Variants in ZNF732 observed in about 807,000 individuals in gnomAD.
The protein encoded by ZNF732 is zinc finger protein LOC654254.
Under a neutral mutation model 11.5 loss-of-function variants are expected in ZNF732, and 12 were observed. The ratio of observed to expected loss-of-function variants is 1.05; its 90% CI spans 0.67 to 1.70. The LOEUF is 1.70. ZNF732 is among the 40% of genes most tolerant of loss of function. The pLI is 0.00. For missense variants in ZNF732, 702 were observed against 676.9 expected (o/e 1.04, Z -0.41); for synonymous variants, 231 against 236.5 (o/e 0.98, Z 0.21).
chr4:301,066 A>G (rs147536939), intron 1 of ZNF732, among the ~76,000 whole-genome samples: 2,214 of 152,364 alleles, frequency 0.015, 65 homozygotes, highest in African/African-American at 0.051. Context: ...GGATATGAAT[A>G]GACACTTCTC....
intron 3 of ZNF732, among the ~76,000 whole-genome samples, chr4:277,613 G>T (rs546364164): frequency 6.6e-6 from 1 of 151,048 alleles, no homozygotes; most frequent in Non-Finnish European, 1.5e-5. Context: ...AAAAAAAAAT[G>T]TTAGTGAGAA....
intron 1 of ZNF732, among the ~76,000 whole-genome samples, chr4:299,231 G>C (rs972716056): frequency 9.2e-5 from 14 of 151,388 alleles, no homozygotes; most frequent in African/African-American, 3.4e-4. Flanking sequence ...GACCTAAAAG[G>C]AAAAACCTGG....
chr4:295,455 G>A lies in ZNF732; in HGVS notation c.209C>T (p.Thr70Ile), dbSNP rs112253195. The A allele has an allele frequency of 4.0e-5, 64 of 1,608,782 alleles. No homozygotes were observed. The African/African-American group carries it at 6.1e-4, about 15-fold the overall frequency. The change falls in exon 3 of 4, where the codon ACA (threonine) becomes ATA (isoleucine). Residue 70 changes from threonine (T) to isoleucine (I), a missense_variant. By Grantham distance (89) the Thr-to-Ile change is moderately conservative. Around this residue, in one of 3 missense-constraint regions of ZNF732, gnomAD observed 596 missense variants for 557.9 expected, o/e 1.07. Transcript: ENST00000419098. ...TCACCTACCTGGGTGTTTGGCTACT[G>A]TCTCATGTATCTTCACTTTGTAGGG... ...KEPYKVKIHETVAKHPAVCSH... is the reference protein window; with the variant it reads ...KEPYKVKIHEIVAKHPAVCSH...
intron 3 of ZNF732, among the ~76,000 whole-genome samples, chr4:276,569 C>G (rs1283464043): frequency 6.6e-6 from 1 of 151,356 alleles, no homozygotes; most frequent in African/African-American, 2.4e-5. Flanking sequence ...GCTTCTGCAT[C>G]AACAATAAAA....
In ZNF732 at chr4:299,457, ATGTG is replaced by A. The variant is rs1487495405; in HGVS notation, c.4-3306_4-3303del. On this transcript the variant is annotated intron_variant, in intron 1 of 3. Transcript: ENST00000419098. The stretch of plus-strand genomic sequence containing the variant: ...TGTGTATATATATATATATACACAT[ATGTG>A]TATATATATATACACATATATACAC... 2.0e-3 allele frequency among the ~76,000 whole-genome samples: 83 copies of A among 40,760 alleles called. 5 individuals are homozygous for A. Among genetic ancestry groups the A allele is most frequent in the African/African-American group, 5.2e-3 (77 of 14,768 alleles). The allele number at this position is 40,760 out of a possible 152,430, so 26.7% of individuals were successfully genotyped here.
intron 1 of ZNF732, among the ~76,000 whole-genome samples, chr4:299,312 G>A (rs552175036): frequency 1.6e-4 from 23 of 146,150 alleles, no homozygotes; most frequent in African/African-American, 5.1e-4. Flanking sequence ...AAGGTGCCCT[G>A]AATATACGCT....
At chr4:304,216 G>C (rs1249429877) in intron 1 of ZNF732, among the ~76,000 whole-genome samples, 5 of 152,086 alleles carry the variant, frequency 3.3e-5, no homozygotes, top group African/African-American at 1.2e-4. Context: ...GAGCGTCCTC[G>C]GGAGTGGGTT....
chr4:271,316 G>A lies in ZNF732; in HGVS notation c.1541C>T (p.Ser514Phe). ...TTTCTTATGTTTACTCAGGTATGTG[G>A]ACCATCCAAAGGCTTTGCCACACTC... is the stretch of plus-strand genomic sequence containing the variant. ...CEECGKAFGW[S>F]TYLSKHKKIH... The change falls in exon 4 of 4, where the codon TCC (serine) becomes TTC (phenylalanine). Residue 514 changes from serine (S) to phenylalanine (F), a missense_variant. Coordinates refer to ENST00000419098, the MANE Select transcript of ZNF732 (RefSeq NM_001137608.3). 6.3e-7 allele frequency: 1 copy of A among 1,599,810 alleles called. No homozygotes were observed.
intron 1 of ZNF732, among the ~76,000 whole-genome samples, chr4:301,431 T>C (rs1292829183): frequency 1.3e-5 from 2 of 152,186 alleles, no homozygotes; most frequent in African/African-American, 4.8e-5. Flanking sequence ...ATGTTTATTG[T>C]GGCACTATTC....
At chr4:304,912 G>A (rs868978848) in intron 1 of ZNF732, among the ~76,000 whole-genome samples, 1 of 152,186 alleles carries the variant, frequency 6.6e-6, no homozygotes, top group Non-Finnish European at 1.5e-5. Context: ...CCATTAATTA[G>A]TCCCCATTTG....
chr4:294,499 G>A (rs1354043212), intron 3 of ZNF732, among the ~76,000 whole-genome samples: 3 of 152,148 alleles, frequency 2.0e-5, no homozygotes, highest in East Asian at 1.9e-4. Flanking sequence ...TAGTTATTAA[G>A]AAATAAGGTA....
Position 305,421 on chromosome 4 carries a change from G to T in ZNF732, c.-111C>A. 2.0e-6 allele frequency: 3 copies of T among 1,504,386 alleles called. No homozygotes were observed. Among genetic ancestry groups the T allele is most frequent in the Non-Finnish European group, 2.7e-6 (3 of 1,100,606 alleles). 93.2% of individuals were successfully genotyped at this position (1,504,386 alleles called of 1,614,324 possible). ...ACCGAATCACCGACGCCTCCCTGAG[G>T]GGTGAAAGCACGGCCGTGGAGACCC... On this transcript the variant is annotated 5_prime_UTR_variant, in exon 1 of 4. Transcript: ENST00000419098.
chr4:275,996 C>T (rs1553838619), intron 3 of ZNF732, among the ~76,000 whole-genome samples: 3 of 151,428 alleles, frequency 2.0e-5, no homozygotes. Flanking sequence ...AATGACTAAG[C>T]TGAATATTTA....
At chr4:272,654 T>TC (rs1719414995) in intron 3 of ZNF732, 24 bp from the exon 4 acceptor site, 1 of 1,475,710 alleles carries the variant, frequency 6.8e-7, no homozygotes, top group East Asian at 2.3e-5. Flanking sequence ...AAATAAATTA[T>TC]CCTGCTTACT....
In ZNF732 at chr4:271,649, G is replaced by T. The variant is rs927548687; in HGVS notation, c.1208C>A (p.Thr403Lys). 13 of 1,610,698 alleles carry T rather than the reference G, an allele frequency of 8.1e-6. No homozygotes were observed. The highest frequency in any genetic ancestry group is 2.7e-5 in the African/African-American group (2 of 74,786). Residue 403 changes from threonine to lysine, a missense_variant, in exon 4 of 4, where the codon ACA (threonine) becomes AAA (lysine). This residue lies in a region of ZNF732 where 596 missense variants were observed against 557.9 expected (regional missense o/e 1.07). Transcript: ENST00000419098. ...EECGKAFSRF[T>K]TLNEHKRIHT... ...AATTCTCTTATGTTCATTAAGGGTTGTGAACCGACTAAAGGCTTTTCCACA... is the reference window on the plus strand; with the variant it reads ...AATTCTCTTATGTTCATTAAGGGTTTTGAACCGACTAAAGGCTTTTCCACA...
At chr4:292,770 G>A (rs1022204676) in intron 3 of ZNF732, among the ~76,000 whole-genome samples, 4 of 150,998 alleles carry the variant, frequency 2.6e-5, no homozygotes, top group Non-Finnish European at 5.9e-5. Flanking sequence ...AAAAAGGCCG[G>A]GCGCAGTGGC....
At chr4:304,186 T>C (rs1720177671) in intron 1 of ZNF732, among the ~76,000 whole-genome samples, 1 of 152,030 alleles carries the variant, frequency 6.6e-6, no homozygotes, top group Admixed American at 6.5e-5. Context: ...GGGAGGAGTG[T>C]GGCAATGCGA....
intron 1 of ZNF732, among the ~76,000 whole-genome samples, chr4:304,289 C>G (rs1187583548): frequency 2.0e-5 from 3 of 151,536 alleles, no homozygotes; most frequent in Non-Finnish European, 2.9e-5. Context: ...CTCCTTTCCT[C>G]TAAGTTCCCA....
intron 1 of ZNF732, among the ~76,000 whole-genome samples, chr4:299,530 TATAC>T (rs1272562842): frequency 5.9e-5 from 8 of 135,930 alleles, no homozygotes; most frequent in Non-Finnish European, 7.8e-5. Flanking sequence ...TATGTGTATA[TATAC>T]ATATATACAC....
Sources: gnomAD v4.1 joint callset for allele counts (sites outside exome capture counted in the v4.1 genomes callset) on GRCh38, gnomAD v4.1.1 for gene constraint, gnomAD v4.1.1 regional missense constraint, MANE v1.5 for transcripts, NCBI Gene and HGNC (gene_info 2026-07-23, HGNC 2026-07-21) for gene names.